The following PLCH1 variants were observed in gnomAD, a reference collection of about 807,000 sequenced individuals.
PLCH1 encodes the protein phospholipase C eta 1, also known as 1-phosphatidylinositol 4,5-bisphosphate phosphodiesterase eta-1.
In PLCH1, 60 loss-of-function variants were observed where a neutral mutation model predicts 126.7. The ratio of observed to expected loss-of-function variants is 0.47; its 90% confidence interval spans 0.38 to 0.59. The LOEUF (loss-of-function observed/expected upper bound fraction) is 0.59. Ranked by LOEUF, PLCH1 falls within the 20% of genes least tolerant of loss-of-function variation. PLCH1 has a pLI of 0.00. For synonymous variants in PLCH1, 719 were observed against 734.9 expected (o/e 0.98, Z 0.35); for missense variants, 1,723 against 2,040.0 (o/e 0.84, Z 2.99).
At chr3:155,582,070 T>A (rs1165544880) in intron 6 of PLCH1, among the ~76,000 whole-genome samples, 1 of 137,530 alleles carries the variant, frequency 7.3e-6, no homozygotes, top group Non-Finnish European at 1.5e-5. Context: ...CTTTTTCTTT[T>A]CTTTCTTTTT....
At chr3:155,711,120 C>T (rs1747097442) in intron 1 of PLCH1, among the ~76,000 whole-genome samples, 1 of 151,892 alleles carries the variant, frequency 6.6e-6, no homozygotes, top group African/African-American at 2.4e-5. Flanking sequence ...TTAATGGACT[C>T]TACTCAAAGA....
rs1385227238 is a variant in PLCH1 at position 155,494,338 on chromosome 3, C to T, written c.2074G>A (p.Val692Met). Residue 692 changes from valine to methionine, a missense_variant and splice_region_variant, in exon 16 of 23, where the codon GTG becomes ATG. Around this residue, in one of 2 missense-constraint regions of PLCH1, gnomAD observed 776 missense variants for 1,062.9 expected, o/e 0.73. Coordinates refer to ENST00000460012, the MANE Select transcript of PLCH1 (RefSeq NM_014996.4). ...CCACTCCTTCCCAAGGAATACACAC[C>T]TAGCTGGCAGCCTGCGTTCCAGTAG... ...LPYWNAGCQL[V>M]ALNYQSEGRM... 17 of 1,614,034 alleles carry T rather than the reference C, an allele frequency of 1.1e-5. No individual in the cohort carries two copies. The highest frequency in any genetic ancestry group is 1.4e-5 in the Non-Finnish European group (17 of 1,179,932).
intron 11 of PLCH1, among the ~76,000 whole-genome samples, chr3:155,515,699 G>A (rs1201877909): frequency 1.3e-5 from 2 of 152,160 alleles, no homozygotes; most frequent in Admixed American, 6.5e-5. Context: ...GAAACCAATG[G>A]CCCCAGCCTC....
intron 2 of PLCH1, among the ~76,000 whole-genome samples, chr3:155,697,413 T>C (rs1745906691): frequency 6.6e-6 from 1 of 152,060 alleles, no homozygotes; most frequent in African/African-American, 2.4e-5. Context: ...ATATCGTCAA[T>C]GCCCAGGGTG....
In PLCH1 at chr3:155,719,265, G is replaced by A. The variant is rs541327329; in HGVS notation, c.-40-15001C>T. On this transcript the variant is annotated intron_variant, in intron 1 of 22. Coordinates refer to ENST00000460012, the MANE Select transcript of PLCH1 (RefSeq NM_014996.4). The stretch of plus-strand genomic sequence containing the variant: ...CCCACTATGAGTGAGAACATATGAT[G>A]TTTGGTTTTCCATTGCTGAATTACT... Among the ~76,000 whole-genome samples, 6 of 151,838 alleles carry A rather than the reference G, an allele frequency of 4.0e-5. No individual in the cohort carries two copies. In the South Asian group the frequency reaches 1.2e-3, roughly 32 times the overall value.
At chr3:155,596,198 C>A in intron 3 of PLCH1, 34 bp downstream of exon 3, 1 of 1,577,744 alleles carries the variant, frequency 6.3e-7, no homozygotes, top group African/African-American at 1.3e-5. Context: ...GTTACTATGT[C>A]CAGCCAAGCA....
rs1717486390 is a variant in PLCH1, at chr3:155,498,955, G to T, written c.1797-1538C>A. The stretch of plus-strand genomic sequence containing the variant: ...CTACCAAAAACAAACCTAAACTTTA[G>T]TGTTCAATTAAACTTTATACTTAAG... On this transcript the variant is annotated intron_variant, in intron 14 of 22. Transcript: ENST00000460012. 2.6e-5 allele frequency among the ~76,000 whole-genome samples: 4 copies of T among 152,052 alleles called. No individual in the cohort carries two copies. The South Asian group carries it at 8.3e-4, about 32-fold the overall frequency.
rs1446203250 is a variant in PLCH1, at chr3:155,583,624, T to C, written c.619A>G (p.Asn207Asp). 1 of 1,576,076 alleles carries C rather than the reference T, an allele frequency of 6.3e-7. No individual in the cohort carries two copies. Among genetic ancestry groups the C allele is most frequent in the Non-Finnish European group, 8.5e-7 (1 of 1,169,610 alleles). ...QMFQEADTDE[N>D]QGTLTFEEFC... ...TCTTCAAATGTCAAAGTTCCCTGAT[T>C]CTCATCTGTGTCGGCTTCCTGAAAA... Residue 207 changes from asparagine to aspartate, a missense_variant, in exon 6 of 23, where the codon AAT becomes GAT. Asn to Asp is a conservative substitution (Grantham distance 23). Coordinates refer to ENST00000460012, the MANE Select transcript of PLCH1 (RefSeq NM_014996.4).
At chr3:155,603,669 T>A (rs1734024944) in intron 2 of PLCH1, among the ~76,000 whole-genome samples, 1 of 152,232 alleles carries the variant, frequency 6.6e-6, no homozygotes, top group African/African-American at 2.4e-5. Flanking sequence ...CTTCCATAAA[T>A]GTTATTTTAT....
At chr3:155,461,097 TGTCTATAATG>T (rs2107973501) in intron 21 of PLCH1, among the ~76,000 whole-genome samples, 1 of 152,356 alleles carries the variant, frequency 6.6e-6, no homozygotes, top group East Asian at 1.9e-4. Context: ...TTAATTCTAC[TGTCTATAATG>T]GTATGTTTTG....
At chr3:155,528,578 T>A (rs1426663354) in intron 10 of PLCH1, among the ~76,000 whole-genome samples, 1 of 152,228 alleles carries the variant, frequency 6.6e-6, no homozygotes, top group Non-Finnish European at 1.5e-5. Flanking sequence ...GTGATAGCAA[T>A]TCCCTCTTTT....
intron 2 of PLCH1, among the ~76,000 whole-genome samples, chr3:155,673,752 C>T (rs188259959): frequency 1.3e-5 from 2 of 152,140 alleles, no homozygotes; most frequent in Non-Finnish European, 1.5e-5. Flanking sequence ...CTCGCTCTTA[C>T]GTTGACATCT....
At chr3:155,705,939 G>C (rs1004658872) in intron 1 of PLCH1, among the ~76,000 whole-genome samples, 3 of 152,118 alleles carry the variant, frequency 2.0e-5, no homozygotes, top group African/African-American at 7.2e-5. Flanking sequence ...ACTTTGGGAG[G>C]CCAAGGCGGA....
At chr3:155,515,671 C>T (rs906583957) in intron 11 of PLCH1, among the ~76,000 whole-genome samples, 7 of 152,222 alleles carry the variant, frequency 4.6e-5, no homozygotes, top group African/African-American at 1.4e-4. Context: ...CACAGCTTTT[C>T]GGCCATTTGT....
At chr3:155,679,754 T>G (rs184499671) in intron 2 of PLCH1, among the ~76,000 whole-genome samples, 1 of 152,180 alleles carries the variant, frequency 6.6e-6, no homozygotes, top group Non-Finnish European at 1.5e-5. Context: ...GACACCACTA[T>G]GCAAATATTA....
intron 2 of PLCH1, among the ~76,000 whole-genome samples, chr3:155,621,698 G>A (rs1195301715): frequency 6.6e-6 from 1 of 152,188 alleles, no homozygotes; most frequent in East Asian, 1.9e-4. Flanking sequence ...AAAGCAAGAA[G>A]ACAAGATTAG....
intron 6 of PLCH1, among the ~76,000 whole-genome samples, chr3:155,578,830 C>G (rs1378627505): frequency 6.6e-6 from 1 of 152,118 alleles, no homozygotes; most frequent in East Asian, 1.9e-4. Context: ...GCCTTCCCCC[C>G]AGCCCTTCCA....
chr3:155,590,868 T>TA (rs1447885687), intron 4 of PLCH1, among the ~76,000 whole-genome samples: 2 of 152,186 alleles, frequency 1.3e-5, no homozygotes, highest in Admixed American at 1.3e-4. Context: ...GCTTTCTCTT[T>TA]ACTATTCATC....
intron 4 of PLCH1, among the ~76,000 whole-genome samples, chr3:155,586,552 C>T (rs1731403375): frequency 6.6e-6 from 1 of 151,988 alleles, no homozygotes; most frequent in South Asian, 2.1e-4. Flanking sequence ...ACTAAAAATA[C>T]AAAAATTAGC....
Sources: gnomAD v4.1 joint callset for allele counts (sites outside exome capture counted in the v4.1 genomes callset) on GRCh38, gnomAD v4.1.1 for gene constraint, gnomAD v4.1.1 regional missense constraint, MANE v1.5 for transcripts, NCBI Gene and HGNC (gene_info 2026-07-23, HGNC 2026-07-21) for gene names.